CCDC85A: variants seen among roughly 807,000 people sequenced by gnomAD.
CCDC85A encodes coiled-coil domain-containing protein 85A.
CCDC85A carries 38 observed loss-of-function variants against 50.2 expected under a neutral mutation model. That is an observed-to-expected ratio of 0.76 (90% CI 0.58 to 0.99). CCDC85A has a LOEUF of 0.99. Among genes scored for constraint, CCDC85A ranks in the 50% least tolerant of loss-of-function variants. The pLI is 0.00. For missense variants in CCDC85A, 820 were observed against 742.0 expected, an observed-to-expected ratio of 1.11 and a Z score of -1.22; for synonymous variants, 366 against 301.4, an observed-to-expected ratio of 1.21 and a Z score of -2.22.
intron 2 of CCDC85A, among the ~76,000 whole-genome samples, chr2:56,329,393 AT>A (rs1319974044): frequency 6.6e-6 from 1 of 152,082 alleles, no homozygotes; most frequent in Admixed American, 6.6e-5. Context: ...TTGTTTGCTT[AT>A]TTTTCAATGG....
chr2:56,246,651 C>T (rs570863425), intron 2 of CCDC85A, among the ~76,000 whole-genome samples: 4 of 152,290 alleles, frequency 2.6e-5, no homozygotes, highest in Non-Finnish European at 5.9e-5. Flanking sequence ...ATTGCCTTGA[C>T]ACTGTTTTTG....
chr2:56,242,310 G>C (rs1026466184), intron 2 of CCDC85A, among the ~76,000 whole-genome samples: 1 of 152,134 alleles, frequency 6.6e-6, no homozygotes, highest in African/African-American at 2.4e-5. Flanking sequence ...AAAAAGAGAG[G>C]TTTAATTGGC....
At chr2:56,206,182 T>G (rs191374663) in intron 2 of CCDC85A, among the ~76,000 whole-genome samples, 1 of 152,286 alleles carries the variant, frequency 6.6e-6, no homozygotes, top group Admixed American at 6.5e-5. Flanking sequence ...TCCAAGAATG[T>G]TTTCTAATAG....
At chr2:56,350,736 G>T (rs1674875709) in intron 3 of CCDC85A, among the ~76,000 whole-genome samples, 6 of 148,578 alleles carry the variant, frequency 4.0e-5, no homozygotes, top group Admixed American at 4.0e-4. Flanking sequence ...CCTCCTCTGT[G>T]GTTCAGAGAC....
At chr2:56,327,351 T>A (rs1229553328) in intron 2 of CCDC85A, among the ~76,000 whole-genome samples, 1 of 151,904 alleles carries the variant, frequency 6.6e-6, no homozygotes, top group African/African-American at 2.4e-5. Flanking sequence ...AGTCACAGAG[T>A]TTGAATTAAA....
intron 2 of CCDC85A, among the ~76,000 whole-genome samples, chr2:56,259,420 C>T (rs1427266747): frequency 6.6e-6 from 1 of 152,170 alleles, no homozygotes; most frequent in Non-Finnish European, 1.5e-5. Context: ...CAGTGCCTCC[C>T]TCGCTGGGCT....
chr2:56,361,287 T>C (rs942095930), intron 3 of CCDC85A, among the ~76,000 whole-genome samples: 1 of 151,854 alleles, frequency 6.6e-6, no homozygotes, highest in Admixed American at 6.6e-5. Flanking sequence ...ATAGAATTTC[T>C]GTAGGTCATG....
At chr2:56,208,253 A>G (rs994474844) in intron 2 of CCDC85A, among the ~76,000 whole-genome samples, 2 of 152,156 alleles carry the variant, frequency 1.3e-5, no homozygotes. Context: ...TGGTTTTTAC[A>G]GTATTCAGGA....
intron 2 of CCDC85A, among the ~76,000 whole-genome samples, chr2:56,218,258 C>G (rs1426691176): frequency 1.3e-5 from 2 of 151,662 alleles, no homozygotes. Context: ...ACTGTAATCT[C>G]CAATATTTTA....
At chr2:56,243,332 T>C (rs1669349656) in intron 2 of CCDC85A, among the ~76,000 whole-genome samples, 2 of 152,122 alleles carry the variant, frequency 1.3e-5, no homozygotes, top group African/African-American at 2.4e-5. Context: ...TTTCTTTTTT[T>C]CTTTTTTCTC....
At chr2:56,280,780 C>T (rs984860722) in intron 2 of CCDC85A, among the ~76,000 whole-genome samples, 2 of 152,150 alleles carry the variant, frequency 1.3e-5, no homozygotes, top group Admixed American at 6.6e-5. Context: ...CCCATTCTCT[C>T]TCTCTCCCTC....
At chr2:56,304,239 T>C (rs1672331235) in intron 2 of CCDC85A, among the ~76,000 whole-genome samples, 2 of 152,316 alleles carry the variant, frequency 1.3e-5, no homozygotes, top group South Asian at 4.1e-4. Flanking sequence ...TAATTGGATA[T>C]AGCACCTGTT....
chr2:56,211,491 A>G (rs1046050055), intron 2 of CCDC85A, among the ~76,000 whole-genome samples: 3 of 152,022 alleles, frequency 2.0e-5, no homozygotes, highest in African/African-American at 7.2e-5. Flanking sequence ...CTATCATTGT[A>G]ACTAATGGAA....
chr2:56,374,563 C>G (rs1476949009), intron 4 of CCDC85A, among the ~76,000 whole-genome samples: 1 of 152,100 alleles, frequency 6.6e-6, no homozygotes, highest in African/African-American at 2.4e-5. Context: ...AATCCTAGCA[C>G]TTTGGGAGGC....
At chr2:56,236,829 A>T (rs1178132592) in intron 2 of CCDC85A, among the ~76,000 whole-genome samples, 3 of 152,044 alleles carry the variant, frequency 2.0e-5, no homozygotes, top group East Asian at 1.9e-4. Context: ...TGTCCCCATT[A>T]TCCTTATTCC....
At chr2:56,325,666 A>C (rs1673429358) in intron 2 of CCDC85A, among the ~76,000 whole-genome samples, 1 of 152,080 alleles carries the variant, frequency 6.6e-6, no homozygotes, top group Admixed American at 6.6e-5. Flanking sequence ...AAAATTGGAC[A>C]TTTACAAGCC....
At chr2:56,233,824 C>T (rs1463921111) in intron 2 of CCDC85A, among the ~76,000 whole-genome samples, 2 of 152,088 alleles carry the variant, frequency 1.3e-5, no homozygotes, top group African/African-American at 4.8e-5. Flanking sequence ...TATTTCTCTT[C>T]CCTTTCTTTC....
chr2:56,351,901 GGT>G (rs1674965707), intron 3 of CCDC85A, among the ~76,000 whole-genome samples: 1 of 151,994 alleles, frequency 6.6e-6, no homozygotes, highest in Non-Finnish European at 1.5e-5. Context: ...CATTGCTTTT[GGT>G]GTTTTAGACA....
intron 2 of CCDC85A, among the ~76,000 whole-genome samples, chr2:56,266,578 GCC>G (rs58439265): frequency 0.033 from 1,990 of 60,346 alleles, 150 homozygotes; most frequent in African/African-American, 0.089. Flanking sequence ...ACAATAACGC[GCC>G]CCCCCCCCCC....
Sources: allele counts gnomAD v4.1 joint callset (sites outside exome capture counted in the v4.1 genomes callset), GRCh38; gene constraint gnomAD v4.1.1; transcripts MANE v1.5; gene names NCBI Gene and HGNC (gene_info 2026-07-23, HGNC 2026-07-21).